STK31: variants seen among roughly 807,000 people sequenced by gnomAD.
STK31 encodes the protein serine/threonine kinase 31, also known as serine/threonine-protein kinase 31.
In STK31, 89 loss-of-function variants were observed where a neutral mutation model predicts 129.7. That is an observed-to-expected ratio of 0.69 (90% confidence interval 0.58 to 0.82). The LOEUF (loss-of-function observed/expected upper bound fraction) is 0.82. Among genes scored for constraint, STK31 ranks in the 40% least tolerant of loss-of-function variants. The pLI is 0.00. For missense variants in STK31, 1,187 were observed against 1,176.4 expected (o/e 1.01, Z -0.13); for synonymous variants, 448 against 395.3 (o/e 1.13, Z -1.58).
chr7:23,813,769 G>T (rs73271398), intron 22 of STK31, among the ~76,000 whole-genome samples: 1 of 152,056 alleles, frequency 6.6e-6, no homozygotes, highest in African/African-American at 2.4e-5. Flanking sequence ...TTCTTGAGCT[G>T]GGTGCTAGTT....
At chr7:23,756,696 A>G (rs531387311) in intron 10 of STK31, among the ~76,000 whole-genome samples, 9 of 152,342 alleles carry the variant, frequency 5.9e-5, no homozygotes, top group Non-Finnish European at 4.4e-5. Context: ...AGTTTTTAAC[A>G]TGAAGGCATG....
At chr7:23,825,399 G>C (rs990658949) in intron 23 of STK31, among the ~76,000 whole-genome samples, 4 of 152,200 alleles carry the variant, frequency 2.6e-5, no homozygotes, top group Non-Finnish European at 5.9e-5. Flanking sequence ...GGTGTTTATA[G>C]TATTCTCTGA....
chr7:23,801,631 A>G (rs940180801), intron 22 of STK31, among the ~76,000 whole-genome samples: 3 of 152,126 alleles, frequency 2.0e-5, no homozygotes, highest in African/African-American at 7.2e-5. Flanking sequence ...AAAGACTTGA[A>G]TATTTTTTCT....
chr7:23,803,972 T>G (rs1792535717), intron 22 of STK31, among the ~76,000 whole-genome samples: 1 of 152,250 alleles, frequency 6.6e-6, no homozygotes, highest in Non-Finnish European at 1.5e-5. Context: ...ATAACAGTTC[T>G]GTCTGATGTT....
At chr7:23,825,085 T>C (rs1353325028) in intron 23 of STK31, among the ~76,000 whole-genome samples, 1 of 152,136 alleles carries the variant, frequency 6.6e-6, no homozygotes, top group East Asian at 1.9e-4. Context: ...TCTGCCCGGC[T>C]TTGGTATCAG....
rs544873733 is a variant in STK31, at chr7:23,800,220, A to G, written c.2760+9274A>G. Among the ~76,000 whole-genome samples the G allele has an allele frequency of 9.8e-5, 15 of 152,320 alleles. No homozygotes were observed. The East Asian group carries it at 2.9e-3, about 29-fold the overall frequency. On this transcript the variant is annotated intron_variant, in intron 22 of 23. Transcript: ENST00000355870. ...ACCAGAAATACCATTTGACCCAGCA[A>G]TCGCATTACTGGGTATATACCCAAA...
chr7:23,783,563 CTTT>C lies in STK31; in HGVS notation c.2068-11_2068-9del. On this transcript the variant is annotated splice_polypyrimidine_tract_variant and intron_variant, in intron 16 of 23. Coordinates refer to ENST00000355870, the MANE Select transcript of STK31 (RefSeq NM_031414.5). ...ATATATATTGATCTACAGTTAAAAA[CTTT>C]TTTTTTTTAACTTTAGGAGATGCTA... The C allele has an allele frequency of 1.6e-6, 2 of 1,234,236 alleles. No individual in the cohort carries two copies. The highest frequency in any genetic ancestry group is 1.5e-5 in the African/African-American group (1 of 64,892). 76.5% of individuals were successfully genotyped at this position (1,234,236 alleles called of 1,614,324 possible).
intron 15 of STK31, among the ~76,000 whole-genome samples, chr7:23,773,089 G>A (rs1790303721): frequency 6.6e-6 from 1 of 152,062 alleles, no homozygotes; most frequent in Non-Finnish European, 1.5e-5. Context: ...TACATGTGCA[G>A]AATGTGCAGG....
In STK31 at chr7:23,739,735, T is replaced by G. The variant is rs903362605; in HGVS notation, c.1017+2657T>G. Among the ~76,000 whole-genome samples, 4 of 152,372 alleles carry G rather than the reference T, an allele frequency of 2.6e-5. No homozygotes were observed. The South Asian group carries it at 6.2e-4, about 24-fold the overall frequency. The stretch of plus-strand genomic sequence containing the variant: ...ACACCGTTTATAAAATAGGGAATCC[T>G]TTCCCCATTGCTTGTTTTTGTCAGG... On this transcript the variant is annotated intron_variant, in intron 8 of 23. Coordinates refer to ENST00000355870, the MANE Select transcript of STK31 (RefSeq NM_031414.5).
intron 10 of STK31, among the ~76,000 whole-genome samples, chr7:23,759,837 G>A (rs1361367365): frequency 2.0e-5 from 3 of 152,136 alleles, no homozygotes; most frequent in Non-Finnish European, 4.4e-5. Context: ...CATGCCCCTT[G>A]AGGGACCCTG....
At chr7:23,730,733 CAT>C (rs1787352824) in intron 6 of STK31, among the ~76,000 whole-genome samples, 1 of 150,912 alleles carries the variant, frequency 6.6e-6, no homozygotes, top group Non-Finnish European at 1.5e-5. Context: ...TTGAAACACA[CAT>C]GAATCAAGGG....
At chr7:23,749,723 A>G (rs1788580640) in intron 8 of STK31, among the ~76,000 whole-genome samples, 2 of 152,106 alleles carry the variant, frequency 1.3e-5, no homozygotes, top group South Asian at 4.2e-4. Context: ...TGTCTTTAAT[A>G]ATGTAATTGT....
chr7:23,832,173 G>A lies in STK31; in HGVS notation c.2867G>A (p.Cys956Tyr), dbSNP rs763433730. ...KVKSLLCSLI[C>Y]YRSSMTAEQV... ...AAATCCCTCCTCTGTAGCTTGATAT[G>A]TTATAGAAGTTCAATGACTGCTGAA... Residue 956 changes from cysteine to tyrosine, a missense_variant, in exon 24 of 24, where the codon TGT becomes TAT. By Grantham distance (194) the Cys-to-Tyr change is radical. Coordinates refer to ENST00000355870, the MANE Select transcript of STK31 (RefSeq NM_031414.5). 4 of 1,614,064 alleles carry A rather than the reference G, an allele frequency of 2.5e-6. No homozygotes were observed. The South Asian group carries it at 3.3e-5, about 13-fold the overall frequency.
intron 23 of STK31, among the ~76,000 whole-genome samples, chr7:23,817,179 C>CT (rs1793518883): frequency 6.6e-6 from 1 of 151,768 alleles, no homozygotes; most frequent in Non-Finnish European, 1.5e-5. Context: ...CAGAACAAGA[C>CT]TTTGTCTCAA....
chr7:23,792,853 C>G (rs541458376), intron 22 of STK31, among the ~76,000 whole-genome samples: 15 of 152,276 alleles, frequency 9.9e-5, no homozygotes, highest in Admixed American at 7.8e-4. Context: ...TGAGCACCCC[C>G]TGTCTCTACA....
chr7:23,799,048 C>T lies in STK31; in HGVS notation c.2760+8102C>T, dbSNP rs551343773. On this transcript the variant is annotated intron_variant, in intron 22 of 23. Transcript: ENST00000355870. ...TACAGCTAGCAAGGGATGTGAAGGACCTCTTCAAGAAGAATTACAAACCAC... is the reference window on the plus strand; with the variant it reads ...TACAGCTAGCAAGGGATGTGAAGGATCTCTTCAAGAAGAATTACAAACCAC... Among the ~76,000 whole-genome samples the T allele has an allele frequency of 2.6e-5, 4 of 152,192 alleles. No individual in the cohort carries two copies. In the South Asian group the frequency reaches 8.3e-4, roughly 32 times the overall value.
At chr7:23,727,548 C>A (rs1490903076) in intron 5 of STK31, 2 of 299,936 alleles carry the variant, frequency 6.7e-6, no homozygotes, top group African/African-American at 2.4e-5. Context: ...GTTATTTTTA[C>A]CTCAGTTCTT....
chr7:23,753,140 T>G (rs918510135), intron 9 of STK31, among the ~76,000 whole-genome samples: 3 of 152,230 alleles, frequency 2.0e-5, no homozygotes, highest in Non-Finnish European at 4.4e-5. Context: ...TGCTTGGGGT[T>G]ATTTTCAGGA....
At chr7:23,829,820 C>G (rs945728689) in intron 23 of STK31, among the ~76,000 whole-genome samples, 1 of 152,292 alleles carries the variant, frequency 6.6e-6, no homozygotes, top group Middle Eastern at 3.4e-3. Context: ...TGTTACTGGT[C>G]TGTTCATGTT....
Sources: gnomAD v4.1 joint callset for allele counts (sites outside exome capture counted in the v4.1 genomes callset) on GRCh38, gnomAD v4.1.1 for gene constraint, MANE v1.5 for transcripts, NCBI Gene and HGNC (gene_info 2026-07-23, HGNC 2026-07-21) for gene names.